MPDZ: variants seen among roughly 807,000 people sequenced by gnomAD.
The protein encoded by MPDZ is multiple PDZ domain crumbs cell polarity complex component.
Under a neutral mutation model 239.1 loss-of-function variants are expected in MPDZ, and 234 were observed. The ratio of observed to expected loss-of-function variants is 0.98; its 90% CI spans 0.88 to 1.09. The LOEUF (loss-of-function observed/expected upper bound fraction) is 1.09, where lower values mean the gene tolerates loss of function less well. MPDZ is among the 50% of genes least tolerant of loss of function. The pLI, the probability that MPDZ is intolerant of heterozygous loss-of-function variation, is 0.00. For missense variants in MPDZ, 3,175 were observed against 2,510.0 expected, an observed-to-expected ratio of 1.26 and a Z score of -5.66; for synonymous variants, 1,048 against 881.3, an observed-to-expected ratio of 1.19 and a Z score of -3.35.
intron 26 of MPDZ, among the ~76,000 whole-genome samples, chr9:13,144,460 T>C (rs1199217977): frequency 6.6e-6 from 1 of 152,072 alleles, no homozygotes; most frequent in Non-Finnish European, 1.5e-5. Flanking sequence ...TTCTCCTTCT[T>C]TTCACACCCG....
chr9:13,242,286 C>T (rs1198468537), intron 3 of MPDZ, among the ~76,000 whole-genome samples: 10 of 125,022 alleles, frequency 8.0e-5, no homozygotes, highest in Admixed American at 1.0e-4. Context: ...AGTGCAGTGG[C>T]GCAATCTGGG....
Position 13,110,075 on chromosome 9 carries a change from G to T in MPDZ, c.5830-11C>A. ...TCCTCCAGCAACCACCTGCGCACAG[G>T]AGGAGGATAAACAGAAAAAACACAT... On this transcript the variant is annotated splice_polypyrimidine_tract_variant and intron_variant, in intron 44 of 46. Transcript: ENST00000319217. The T allele has an allele frequency of 6.2e-7, 1 of 1,603,324 alleles. No individual in the cohort carries two copies.
rs923078019 is a variant in MPDZ, at chr9:13,105,885, A to G, written c.*1080T>C. ...GGGAATGAACACATGATAATTCCTC[A>G]CCAGTTGTCTCAATAAACAGCTCCA... is the stretch of plus-strand genomic sequence containing the variant. On this transcript the variant is annotated 3_prime_UTR_variant, in exon 47 of 47. Coordinates refer to ENST00000319217, the MANE Select transcript of MPDZ (RefSeq NM_001378778.1). 1 of 152,226 alleles carries G rather than the reference A, an allele frequency of 6.6e-6. No homozygotes were observed. The highest frequency in any genetic ancestry group is 1.5e-5 in the Non-Finnish European group (1 of 68,034). 9.4% of individuals were successfully genotyped at this position (152,226 alleles called of 1,614,324 possible).
In MPDZ at chr9:13,227,374, T is replaced by C. The variant is rs72706376; in HGVS notation, c.184-2791A>G. On this transcript the variant is annotated intron_variant, in intron 3 of 46. Coordinates refer to ENST00000319217, the MANE Select transcript of MPDZ (RefSeq NM_001378778.1). ...AAAAGTAAGCTTCTTATGCCAAGAT[T>C]GATTTTTTTTTTATCCTGAGCCATG... 6.5e-3 allele frequency among the ~76,000 whole-genome samples: 985 copies of C among 152,110 alleles called. 6 individuals are homozygous for C. The highest frequency in any genetic ancestry group is 0.012 in the Non-Finnish European group (785 of 67,998).
At position 13,224,558 on chromosome 9, in the gene MPDZ, G is replaced by C. The variant is rs1255443736; in HGVS notation, c.209C>G (p.Ser70Ter). 6.2e-7 allele frequency: 1 copy of C among 1,610,200 alleles called. No individual in the cohort carries two copies. Among genetic ancestry groups the C allele is most frequent in the Non-Finnish European group, 8.5e-7 (1 of 1,177,820 alleles). Residue 70 changes from serine to a stop codon, truncating the protein, a stop_gained, in exon 4 of 47, where the codon TCA becomes TGA. Transcript: ENST00000319217. LOFTEE classifies it high-confidence loss of function. ...DQVNIATSAT[S>*]NIEYAHVPHL... ...AGGAACGTGGGCATATTCAATATTT[G>C]AAGTTGCTGAAGTTGCAATATTTAC... is the stretch of plus-strand genomic sequence containing the variant.
chr9:13,136,757 G>A lies in MPDZ; in HGVS notation c.4247C>T (p.Ser1416Leu). 6.2e-7 allele frequency: 1 copy of A among 1,603,492 alleles called. No homozygotes were observed. The highest frequency in any genetic ancestry group is 8.5e-7 in the Non-Finnish European group (1 of 1,174,022). Residue 1416 changes from serine (S) to leucine (L), a missense_variant, in exon 30 of 47, where the codon TCA (serine) becomes TTA (leucine). Transcript: ENST00000319217. ...LYGRSHQNAS[S>L]IIKCAPSKVK... is the part of the protein sequence containing the mutation. ...TTTAGAAGGGGCACATTTAATGATT[G>A]ATGAGGCATTCTGATGACTTCTTCC...
intron 43 of MPDZ, 54 bp downstream of exon 43, chr9:13,111,970 A>T: frequency 6.3e-7 from 1 of 1,588,690 alleles, no homozygotes; most frequent in Non-Finnish European, 8.6e-7. Context: ...AAAGGTTTAT[A>T]AAAACACTTC....
At chr9:13,184,953 T>G (rs2134603988) in intron 18 of MPDZ, among the ~76,000 whole-genome samples, 1 of 152,108 alleles carries the variant, frequency 6.6e-6, no homozygotes, top group South Asian at 2.1e-4. Flanking sequence ...TTGATTGGTA[T>G]CCATTAAGGA....
At chr9:13,193,596 C>G (rs912137635) in intron 13 of MPDZ, among the ~76,000 whole-genome samples, 1 of 152,070 alleles carries the variant, frequency 6.6e-6, no homozygotes, top group Non-Finnish European at 1.5e-5. Context: ...TCTCTTGTTT[C>G]CCAAGTAGAA....
At position 13,183,554 on chromosome 9, in the gene MPDZ, T is replaced by G. The variant is rs1461396162; in HGVS notation, c.2513A>C (p.Glu838Ala). Residue 838 changes from glutamate to alanine, a missense_variant, in exon 19 of 47, where the codon GAA (glutamate) becomes GCA (alanine). Glu to Ala is a moderately radical substitution (Grantham distance 107, BLOSUM62 -1). Coordinates refer to ENST00000319217, the MANE Select transcript of MPDZ (RefSeq NM_001378778.1). Reference protein sequence around the residue: ...VGTNDADLVDESTFESPYSPE... With the variant: ...VGTNDADLVDASTFESPYSPE... ...AGAGTATGGAGACTCAAATGTGGAT[T>G]CATCTACTAAGTCAGCATCATTTGT... 6.2e-7 allele frequency: 1 copy of G among 1,612,520 alleles called. No individual in the cohort carries two copies. Among genetic ancestry groups the G allele is most frequent in the Non-Finnish European group, 8.5e-7 (1 of 1,179,014 alleles).
chr9:13,111,892 G>A (rs1244433637), intron 43 of MPDZ, 132 bp downstream of exon 43: 7 of 783,986 alleles, frequency 8.9e-6, no homozygotes, highest in African/African-American at 1.8e-5. Flanking sequence ...GCCTTGCTGT[G>A]GTTGGATTAG....
chr9:13,159,849 T>C (rs1950257170), intron 23 of MPDZ, among the ~76,000 whole-genome samples: 1 of 152,176 alleles, frequency 6.6e-6, no homozygotes, highest in African/African-American at 2.4e-5. Context: ...TGTTTACTCA[T>C]CTTAGTGTGT....
chr9:13,222,189 T>C (rs1959173155), intron 6 of MPDZ, 44 bp downstream of exon 6: 5 of 1,525,130 alleles, frequency 3.3e-6, no homozygotes, highest in Non-Finnish European at 4.4e-6. Flanking sequence ...CAAAAACAAC[T>C]TGAAAAATAC....
intron 1 of MPDZ, among the ~76,000 whole-genome samples, chr9:13,273,484 T>C (rs1588264052): frequency 6.6e-6 from 1 of 152,156 alleles, no homozygotes; most frequent in African/African-American, 2.4e-5. Context: ...AAATTAACAA[T>C]ATAGTGAATT....
rs777752091 is a variant in MPDZ, at chr9:13,137,986, G to A, written c.4171C>T (p.Arg1391Ter). 70 of 1,613,508 alleles carry A rather than the reference G, an allele frequency of 4.3e-5. No individual in the cohort carries two copies. Among genetic ancestry groups the A allele is most frequent in the Admixed American group, 2.0e-4 (12 of 59,982 alleles). Residue 1391 changes from arginine (R) to a stop codon, truncating the protein, a stop_gained, in exon 29 of 47, where the codon CGA becomes TGA. Coordinates refer to ENST00000319217, the MANE Select transcript of MPDZ (RefSeq NM_001378778.1). LOFTEE classifies it high-confidence loss of function. Reference protein sequence around the residue: ...DPNGAAGKDGRLQIADELLEI... With the variant: ...DPNGAAGKDG Reference sequence around the variant, plus strand: ...AGAAGCTCATCTGCAATTTGCAATCGACCATCTTTTCCTGCAGCTCCATTT... The same window carrying A: ...AGAAGCTCATCTGCAATTTGCAATCAACCATCTTTTCCTGCAGCTCCATTT...
intron 19 of MPDZ, among the ~76,000 whole-genome samples, chr9:13,178,513 T>C (rs911412234): frequency 5.9e-5 from 9 of 152,148 alleles, no homozygotes; most frequent in East Asian, 5.8e-4. Flanking sequence ...AAATTACATA[T>C]AGAGGCAAAT....
At chr9:13,211,917 A>G (rs182071490) in intron 10 of MPDZ, among the ~76,000 whole-genome samples, 16 of 152,224 alleles carry the variant, frequency 1.1e-4, no homozygotes, top group Non-Finnish European at 1.8e-4. Context: ...CAAATTTTAT[A>G]TTCTTTAAAC....
intron 24 of MPDZ, among the ~76,000 whole-genome samples, chr9:13,157,153 G>C (rs2133349401): frequency 6.6e-6 from 1 of 152,234 alleles, no homozygotes; most frequent in South Asian, 2.1e-4. Flanking sequence ...CTTCTCTTGA[G>C]CATTTTATTT....
rs897061978 is a variant in MPDZ, at chr9:13,240,551, G to C, written c.183+7084C>G. On this transcript the variant is annotated intron_variant, in intron 3 of 46. Transcript: ENST00000319217. Reference sequence around the variant, plus strand: ...TTGTTCATTAACACAGAGAACTAAGGATTCAGAAACAGTGTAACATAATAA... The same window carrying C: ...TTGTTCATTAACACAGAGAACTAAGCATTCAGAAACAGTGTAACATAATAA... Among the ~76,000 whole-genome samples the C allele has an allele frequency of 8.0e-5, 7 of 87,248 alleles. No individual in the cohort carries two copies. The Admixed American group carries it at 1.1e-3, about 14-fold the overall frequency. The allele number at this position is 87,248 out of a possible 152,430, so 57.2% of individuals were successfully genotyped here.
Sources: gnomAD v4.1 joint callset for allele counts (sites outside exome capture counted in the v4.1 genomes callset) on GRCh38, gnomAD v4.1.1 for gene constraint, MANE v1.5 for transcripts, NCBI Gene and HGNC (gene_info 2026-07-23, HGNC 2026-07-21) for gene names.